The following SDK1 variants were observed in gnomAD, a reference collection of about 807,000 sequenced individuals.
SDK1 encodes the protein sidekick cell adhesion molecule 1.
A neutral mutation model predicts 245.5 loss-of-function variants in SDK1; 157 were observed. That is an observed-to-expected ratio of 0.64 (90% CI 0.56 to 0.73). SDK1 has a LOEUF of 0.73. Among genes scored for constraint, SDK1 ranks in the 30% least tolerant of loss-of-function variants. The probability of loss-of-function intolerance (pLI) is 0.00; values close to 1 mark genes in which losing one functional copy is unlikely to be tolerated. For missense variants in SDK1, 3,583 were observed against 3,002.3 expected (o/e 1.19, Z -4.52); for synonymous variants, 1,647 against 1,278.5 (o/e 1.29, Z -6.15).
Position 4,148,461 on chromosome 7 carries a change from A to G in SDK1, c.4424-801A>G, listed in dbSNP as rs140861215. Among the ~76,000 whole-genome samples the G allele has an allele frequency of 6.4e-3, 973 of 152,334 alleles. 6 individuals are homozygous for G. Among genetic ancestry groups the G allele is most frequent in the African/African-American group, 0.023 (939 of 41,574 alleles). On this transcript the variant is annotated intron_variant, in intron 29 of 44. Transcript: ENST00000404826. ...GCGTCCCGCATCCAAGCTACTGCAC[A>G]CACCAGAGGCAGTGACAGCCCAGAG...
intron 4 of SDK1, among the ~76,000 whole-genome samples, chr7:3,694,769 C>T (rs1784528139): frequency 6.6e-6 from 1 of 152,148 alleles, no homozygotes; most frequent in African/African-American, 2.4e-5. Context: ...TTTTTACAAA[C>T]ATCCCTGGTA....
intron 17 of SDK1, among the ~76,000 whole-genome samples, chr7:4,048,047 A>C (rs1000145130): frequency 3.3e-5 from 5 of 152,066 alleles, no homozygotes; most frequent in Admixed American, 1.3e-4. Context: ...GGAAGAGAAG[A>C]CTTGAGGGGC....
chr7:3,800,117 G>C (rs897538295), intron 4 of SDK1, among the ~76,000 whole-genome samples: 5 of 152,014 alleles, frequency 3.3e-5, no homozygotes, highest in Admixed American at 1.3e-4. Flanking sequence ...GTTTCTGTTG[G>C]GCAGGATTTG....
chr7:3,537,548 G>A (rs1778923675), intron 1 of SDK1, among the ~76,000 whole-genome samples: 1 of 152,178 alleles, frequency 6.6e-6, no homozygotes, highest in Non-Finnish European at 1.5e-5. Flanking sequence ...GTGGCACCAT[G>A]ACTCTTTGGG....
chr7:3,962,608 C>A, intron 8 of SDK1, 49 bp from the exon 9 acceptor site: 1 of 1,446,670 alleles, frequency 6.9e-7, no homozygotes, highest in Non-Finnish European at 9.4e-7. Context: ...CTTCAGTTCT[C>A]ACGTCAGGAA....
chr7:3,462,886 G>A (rs1271468746), intron 1 of SDK1, among the ~76,000 whole-genome samples: 1 of 152,140 alleles, frequency 6.6e-6, no homozygotes, highest in East Asian at 1.9e-4. Context: ...GTGATATCAT[G>A]TTACCCCCAC....
chr7:3,638,927 A>T (rs1782558747), intron 2 of SDK1, 77 bp from the exon 3 acceptor site: 1 of 824,206 alleles, frequency 1.2e-6, no homozygotes. Flanking sequence ...GCTGTTTGAT[A>T]AAATAGCATC....
intron 5 of SDK1, among the ~76,000 whole-genome samples, chr7:3,903,207 A>G (rs755214304): frequency 5.8e-4 from 87 of 149,726 alleles, no homozygotes; most frequent in African/African-American, 2.1e-3. Context: ...GCAGTGGTGT[A>G]ATCTCGGCTC....
intron 1 of SDK1, among the ~76,000 whole-genome samples, chr7:3,346,449 G>C (rs1780499150): frequency 1.3e-5 from 2 of 152,154 alleles, no homozygotes; most frequent in South Asian, 4.2e-4. Context: ...AGCTACTTCA[G>C]ATTCCACAAG....
intron 38 of SDK1, among the ~76,000 whole-genome samples, chr7:4,219,729 A>G (rs971804211): frequency 6.6e-6 from 1 of 152,108 alleles, no homozygotes; most frequent in African/African-American, 2.4e-5. Context: ...GACTTTGCAC[A>G]GCTCAGAGCC....
intron 1 of SDK1, among the ~76,000 whole-genome samples, chr7:3,546,000 T>A (rs1348691274): frequency 6.6e-6 from 1 of 152,256 alleles, no homozygotes; most frequent in Non-Finnish European, 1.5e-5. Context: ...TATTTCTGTC[T>A]TCATTATTTT....
chr7:3,533,896 T>C (rs1000482414), intron 1 of SDK1, among the ~76,000 whole-genome samples: 1 of 152,186 alleles, frequency 6.6e-6, no homozygotes, highest in Non-Finnish European at 1.5e-5. Context: ...AAAAAAACTG[T>C]TATTTTCTTG....
chr7:3,415,997 G>A (rs1027274775), intron 1 of SDK1, among the ~76,000 whole-genome samples: 1 of 152,120 alleles, frequency 6.6e-6, no homozygotes, highest in South Asian at 2.1e-4. Context: ...AATTACCAGA[G>A]CAGTTCCATA....
chr7:3,351,953 C>T (rs1780671101), intron 1 of SDK1, among the ~76,000 whole-genome samples: 1 of 151,920 alleles, frequency 6.6e-6, no homozygotes, highest in African/African-American at 2.4e-5. Flanking sequence ...CATGGAGCAT[C>T]TGACATTGAT....
chr7:4,162,145 C>T (rs533671148), intron 32 of SDK1, among the ~76,000 whole-genome samples: 2 of 152,098 alleles, frequency 1.3e-5, no homozygotes, highest in South Asian at 2.1e-4. Flanking sequence ...AGTCTGAGAG[C>T]GTTGGAGGAA....
intron 32 of SDK1, among the ~76,000 whole-genome samples, chr7:4,173,907 C>T (rs537095951): frequency 1.5e-3 from 228 of 152,336 alleles, no homozygotes; most frequent in African/African-American, 5.1e-3. Flanking sequence ...CCAGCCTCCT[C>T]GCCGTCTGTG....
intron 4 of SDK1, among the ~76,000 whole-genome samples, chr7:3,650,218 G>T (rs1238153796): frequency 6.6e-6 from 1 of 152,140 alleles, no homozygotes; most frequent in African/African-American, 2.4e-5. Context: ...CCTGGCCTAA[G>T]ATTAATTATT....
At chr7:4,035,632 C>T (rs975948561) in intron 17 of SDK1, among the ~76,000 whole-genome samples, 1 of 152,144 alleles carries the variant, frequency 6.6e-6, no homozygotes, top group East Asian at 1.9e-4. Flanking sequence ...AACTTTAAGT[C>T]TGAATTGGGA....
chr7:3,993,922 G>A (rs1449196418), intron 14 of SDK1, among the ~76,000 whole-genome samples: 1 of 152,138 alleles, frequency 6.6e-6, no homozygotes, highest in Non-Finnish European at 1.5e-5. Flanking sequence ...CAGCTTCTCT[G>A]CAAGCAATGC....
Sources: gnomAD v4.1 joint callset for allele counts (sites outside exome capture counted in the v4.1 genomes callset) on GRCh38, gnomAD v4.1.1 for gene constraint, MANE v1.5 for transcripts, NCBI Gene and HGNC (gene_info 2026-07-23, HGNC 2026-07-21) for gene names.